The following MINDY4 variants were observed in gnomAD, a reference collection of about 807,000 sequenced individuals.
The protein encoded by MINDY4 is probable ubiquitin carboxyl-terminal hydrolase MINDY-4.
Under a neutral mutation model 87.0 loss-of-function variants are expected in MINDY4, and 68 were observed. That is an observed-to-expected ratio of 0.78 (90% CI 0.64 to 0.96). MINDY4 has a LOEUF of 0.96. MINDY4 is among the 40% of genes least tolerant of loss of function. MINDY4 has a pLI of 0.00. For missense variants in MINDY4, 919 were observed against 928.2 expected, an observed-to-expected ratio of 0.99 and a Z score of 0.13; for synonymous variants, 379 against 363.2, an observed-to-expected ratio of 1.04 and a Z score of -0.50.
At chr7:30,787,760 CTG>C (rs571600775) in intron 4 of MINDY4, among the ~76,000 whole-genome samples, 86 of 152,306 alleles carry the variant, frequency 5.6e-4, no homozygotes, top group Middle Eastern at 6.8e-3. Flanking sequence ...GCTGGGGACA[CTG>C]TGGAAGGAGC....
chr7:30,801,389 G>T (rs1425676456), intron 5 of MINDY4, among the ~76,000 whole-genome samples: 2 of 152,116 alleles, frequency 1.3e-5, no homozygotes, highest in Non-Finnish European at 2.9e-5. Flanking sequence ...GTGGATAGTG[G>T]CCTGCTTGGG....
At chr7:30,844,054 T>C (rs1013319638) in intron 9 of MINDY4, among the ~76,000 whole-genome samples, 1 of 152,082 alleles carries the variant, frequency 6.6e-6, no homozygotes, top group Non-Finnish European at 1.5e-5. Context: ...TCGCTTTTGT[T>C]TGGAGCCCTG....
chr7:30,810,467 T>C (rs1787955895), intron 5 of MINDY4, among the ~76,000 whole-genome samples: 1 of 152,088 alleles, frequency 6.6e-6, no homozygotes, highest in Non-Finnish European at 1.5e-5. Flanking sequence ...AAAAAACTTT[T>C]TTTGAAGGTT....
Position 30,846,652 on chromosome 7 carries a change from C to CA in MINDY4, c.1446-3801dup, listed in dbSNP as rs1254999765. ...GTCATCATCTGTGGGTGCAGGTTCT[C>CA]ACGCAGGCACATACAGCCCTGGCTA... On this transcript the variant is annotated intron_variant, in intron 9 of 17. Transcript: ENST00000265299. Among the ~76,000 whole-genome samples the CA allele has an allele frequency of 2.0e-5, 3 of 152,174 alleles. No homozygotes were observed. The East Asian group carries it at 5.8e-4, about 30-fold the overall frequency.
Position 30,852,246 on chromosome 7 carries a change from A to G in MINDY4, c.1578A>G (p.Thr526=). 2 of 1,614,176 alleles carry G rather than the reference A, an allele frequency of 1.2e-6. No homozygotes were observed. The highest frequency in any genetic ancestry group is 1.7e-6 in the Non-Finnish European group (2 of 1,180,016). The stretch of plus-strand genomic sequence containing the variant: ...CGAGAACACAGCAGTTCAGTCCAAC[A>G]GGGAAATACAAAGCAGATGGAGTCT... ...LASRTQQFSP[T]GKYKADGVLE... The change falls in exon 11 of 18, where the codon ACA becomes ACG. Residue 526 remains threonine, a synonymous_variant. Transcript: ENST00000265299.
intron 6 of MINDY4, among the ~76,000 whole-genome samples, chr7:30,831,718 C>G (rs1314680120): frequency 6.6e-6 from 1 of 152,176 alleles, no homozygotes; most frequent in Non-Finnish European, 1.5e-5. Context: ...TCTGCACAGG[C>G]TCCCAGAAAA....
rs755220381 is a variant in MINDY4 at position 30,882,266 on chromosome 7, C to G, written c.2057C>G (p.Pro686Arg). ...TTCAGCATCCTCTTTAGCCTGCAGC[C>G]GGGGCTCCTGCGTGACTGGAGGACT... ...SHFSILFSLQ[P>R]GLLRDWRTER... Residue 686 changes from proline to arginine, a missense_variant, in exon 16 of 18, where the codon CCG (proline) becomes CGG (arginine). Coordinates refer to ENST00000265299, the MANE Select transcript of MINDY4 (RefSeq NM_032222.3). 3 of 1,613,834 alleles carry G rather than the reference C, an allele frequency of 1.9e-6. No homozygotes were observed. The highest frequency in any genetic ancestry group is 1.6e-4 in the Middle Eastern group (1 of 6,080).
At chr7:30,843,859 T>A (rs544418527) in intron 9 of MINDY4, among the ~76,000 whole-genome samples, 27 of 152,258 alleles carry the variant, frequency 1.8e-4, no homozygotes, top group Admixed American at 1.7e-3. Flanking sequence ...AAGAAGGAGC[T>A]GCTGGCCTGT....
intron 5 of MINDY4, among the ~76,000 whole-genome samples, chr7:30,804,668 CTTTG>C (rs1787754674): frequency 6.6e-6 from 1 of 152,166 alleles, no homozygotes; most frequent in Non-Finnish European, 1.5e-5. Context: ...CTTATAGGAG[CTTTG>C]GATGTATTAC....
At chr7:30,860,422 TA>T (rs1267083011) in intron 13 of MINDY4, among the ~76,000 whole-genome samples, 5 of 152,302 alleles carry the variant, frequency 3.3e-5, no homozygotes, top group Admixed American at 2.0e-4. Flanking sequence ...AATCCTGCCA[TA>T]ATGATATGAT....
chr7:30,873,642 G>T (rs957898829), intron 14 of MINDY4, among the ~76,000 whole-genome samples: 12 of 152,300 alleles, frequency 7.9e-5, no homozygotes, highest in African/African-American at 2.9e-4. Flanking sequence ...GGACTGCTAA[G>T]CTTTGCCATT....
chr7:30,837,319 C>A (rs984249005), intron 7 of MINDY4, among the ~76,000 whole-genome samples: 2 of 152,166 alleles, frequency 1.3e-5, no homozygotes, highest in African/African-American at 4.8e-5. Context: ...GGCCTCACCA[C>A]TCCCGTGACC....
intron 17 of MINDY4, among the ~76,000 whole-genome samples, chr7:30,889,244 A>G (rs1204819498): frequency 6.6e-6 from 1 of 152,218 alleles, no homozygotes; most frequent in African/African-American, 2.4e-5. Context: ...TGAACAGAAC[A>G]AGAAAATTGA....
At chr7:30,874,435 T>C (rs929552192) in intron 14 of MINDY4, among the ~76,000 whole-genome samples, 1 of 152,182 alleles carries the variant, frequency 6.6e-6, no homozygotes, top group Non-Finnish European at 1.5e-5. Flanking sequence ...CCCCAGTTTC[T>C]CCATTCCTAA....
intron 6 of MINDY4, among the ~76,000 whole-genome samples, chr7:30,833,474 G>C (rs1043727009): frequency 6.6e-6 from 1 of 152,298 alleles, no homozygotes; most frequent in East Asian, 1.9e-4. Context: ...CTCCCACAGT[G>C]TCCTTCCCAC....
chr7:30,838,119 C>T (rs1584296661), intron 7 of MINDY4, among the ~76,000 whole-genome samples: 1 of 152,122 alleles, frequency 6.6e-6, no homozygotes, highest in Non-Finnish European at 1.5e-5. Flanking sequence ...GATGTAAAAC[C>T]ATGGCAGAGA....
At position 30,853,422 on chromosome 7, in the gene MINDY4, A is replaced by C; in HGVS notation, c.1640A>C (p.Glu547Ala). 1 of 1,613,736 alleles carries C rather than the reference A, an allele frequency of 6.2e-7. No individual in the cohort carries two copies. The highest frequency in any genetic ancestry group is 8.5e-7 in the Non-Finnish European group (1 of 1,179,848). Reference protein sequence around the residue: ...TLTLHSLTCYEDLVTFLQQSI... With the variant: ...TLTLHSLTCYADLVTFLQQSI... ...ACGCTTCACAGTTTGACCTGCTATG[A>C]GGACCTGGTGACTTTTCTTCAACAA... Residue 547 changes from glutamate to alanine, a missense_variant, in exon 12 of 18, where the codon GAG (glutamate) becomes GCG (alanine). Transcript: ENST00000265299.
intron 6 of MINDY4, among the ~76,000 whole-genome samples, chr7:30,832,894 A>G (rs767042128): frequency 5.9e-5 from 9 of 151,982 alleles, no homozygotes; most frequent in Non-Finnish European, 8.8e-5. Flanking sequence ...CCTACCCCTT[A>G]TACTCTTATT....
intron 5 of MINDY4, among the ~76,000 whole-genome samples, chr7:30,827,761 A>G (rs1362273302): frequency 6.6e-6 from 1 of 152,096 alleles, no homozygotes; most frequent in Non-Finnish European, 1.5e-5. Flanking sequence ...TAGCTCTTCC[A>G]TTCACGCCCC....
Sources: gnomAD v4.1 joint callset for allele counts (sites outside exome capture counted in the v4.1 genomes callset) on GRCh38, gnomAD v4.1.1 for gene constraint, MANE v1.5 for transcripts, NCBI Gene and HGNC (gene_info 2026-07-23, HGNC 2026-07-21) for gene names.